PTBP3: variants seen among roughly 807,000 people sequenced by gnomAD.
The protein encoded by PTBP3 is polypyrimidine tract binding protein 3.
In PTBP3, 20 loss-of-function variants were observed where a neutral mutation model predicts 58.7. The ratio of observed to expected loss-of-function variants is 0.34; its 90% CI spans 0.24 to 0.50. The LOEUF is 0.50. Ranked by LOEUF, PTBP3 falls within the 20% of genes least tolerant of loss-of-function variation. The probability of loss-of-function intolerance (pLI) is 0.98; values close to 1 mark genes in which losing one functional copy is unlikely to be tolerated. For synonymous variants in PTBP3, 185 were observed against 219.8 expected (o/e 0.84, Z 1.40); for missense variants, 509 against 637.2 (o/e 0.80, Z 2.17).
chr9:112,229,092 C>T (rs1835104032), intron 10 of PTBP3, among the ~76,000 whole-genome samples: 2 of 152,116 alleles, frequency 1.3e-5, no homozygotes, highest in Admixed American at 6.6e-5. Flanking sequence ...CTTATCTATA[C>T]TAATCTATTT....
the PTBP3 span, among the ~76,000 whole-genome samples, chr9:112,376,323 C>T: frequency 4.4e-5 from 6 of 136,864 alleles, no homozygotes; most frequent in South Asian, 2.4e-4. Context: ...GCGTGGTCTC[C>T]GCTCACTGCA....
chr9:112,315,204 A>G (rs1449744295), intron 1 of PTBP3, among the ~76,000 whole-genome samples: 1 of 152,160 alleles, frequency 6.6e-6, no homozygotes, highest in Non-Finnish European at 1.5e-5. Flanking sequence ...AACATTCATA[A>G]AGACAAACCA....
chr9:112,231,476 T>C (rs930026791), intron 9 of PTBP3, 63 bp from the exon 10 acceptor site: 10 of 1,367,398 alleles, frequency 7.3e-6, no homozygotes, highest in Admixed American at 2.0e-5. Context: ...AATAAGTTTA[T>C]TTATACTGTA....
At chr9:112,332,948 G>A (rs913542033) in intron 1 of PTBP3, 2 of 1,485,318 alleles carry the variant, frequency 1.3e-6, no homozygotes, top group African/African-American at 1.4e-5. Context: ...GACCCCGCGT[G>A]GGACCATGGC....
At chr9:112,244,057 T>A (rs888071986) in intron 7 of PTBP3, among the ~76,000 whole-genome samples, 1 of 151,496 alleles carries the variant, frequency 6.6e-6, no homozygotes, top group Non-Finnish European at 1.5e-5. Flanking sequence ...ATCCCAACAC[T>A]TTGGGAGGCC....
At chr9:112,231,962 GAGAAGAGAGA>G (rs1261070943) in intron 9 of PTBP3, 127 bp downstream of exon 9, 584 of 327,684 alleles carry the variant, frequency 1.8e-3, no homozygotes, top group Middle Eastern at 5.9e-3. Flanking sequence ...GAGAAGAGAA[GAGAAGAGAGA>G]AGAGAAGAGA....
rs138926309 is a variant in PTBP3, at chr9:112,284,674, C to G, written c.35-8661G>C. On this transcript the variant is annotated intron_variant, in intron 2 of 13. Transcript: ENST00000374257. ...TCGTGCCACTGCATTCCAGCCTGGG[C>G]AACAGAGCAAGAATCCGTCTCAAAA... Among the ~76,000 whole-genome samples, 74 of 152,166 alleles carry G rather than the reference C, an allele frequency of 4.9e-4. No individual in the cohort carries two copies. In the East Asian group the frequency reaches 0.014, roughly 29 times the overall value.
intron 1 of PTBP3, among the ~76,000 whole-genome samples, chr9:112,315,126 C>T (rs1383744999): frequency 1.3e-5 from 2 of 151,990 alleles, no homozygotes; most frequent in African/African-American, 2.4e-5. Flanking sequence ...CCACCGCCCC[C>T]GGCCCCCACT....
intron 12 of PTBP3, among the ~76,000 whole-genome samples, chr9:112,226,546 C>T (rs1205685572): frequency 6.6e-6 from 1 of 152,078 alleles, no homozygotes; most frequent in Non-Finnish European, 1.5e-5. Context: ...AGTCCATGAA[C>T]AAAACTGCCA....
chr9:112,323,265 C>A (rs946899420), intron 1 of PTBP3, among the ~76,000 whole-genome samples: 2 of 152,126 alleles, frequency 1.3e-5, no homozygotes, highest in Admixed American at 6.6e-5. Flanking sequence ...AAAACAGACA[C>A]CACATGGGAG....
intron 12 of PTBP3, among the ~76,000 whole-genome samples, chr9:112,226,761 G>A (rs139589849): frequency 1.3e-3 from 200 of 152,284 alleles, no homozygotes; most frequent in East Asian, 4.1e-3. Context: ...TATAAAAGGC[G>A]AATTTTGAAT....
chr9:112,365,041 C>A, the PTBP3 span, among the ~76,000 whole-genome samples: 1 of 152,266 alleles, frequency 6.6e-6, no homozygotes, highest in East Asian at 1.9e-4. Context: ...GAGATCATGC[C>A]TTTCTGTGGC....
the PTBP3 span, among the ~76,000 whole-genome samples, chr9:112,340,956 A>C: frequency 5.0e-4 from 76 of 152,260 alleles, no homozygotes; most frequent in South Asian, 2.3e-3. Context: ...AGGATAAAGA[A>C]GTATTTTGTC....
chr9:112,234,677 C>T (rs766996921), intron 8 of PTBP3, 143 bp downstream of exon 8: 77 of 689,864 alleles, frequency 1.1e-4, no homozygotes, highest in Non-Finnish European at 1.7e-4. Context: ...ATATATCATA[C>T]AAATCACTAC....
At chr9:112,244,234 G>A (rs992582054) in intron 7 of PTBP3, among the ~76,000 whole-genome samples, 26 of 125,174 alleles carry the variant, frequency 2.1e-4, no homozygotes, top group African/African-American at 8.1e-4. Context: ...AGGTTATAGT[G>A]AGCCGAGATC....
intron 1 of PTBP3, among the ~76,000 whole-genome samples, chr9:112,305,525 G>C (rs1373251110): frequency 1.3e-5 from 2 of 152,170 alleles, no homozygotes; most frequent in African/African-American, 4.8e-5. Context: ...GCCACACACT[G>C]ATGCTGGGGA....
chr9:112,267,554 CA>C (rs1201789926), intron 4 of PTBP3, among the ~76,000 whole-genome samples: 1 of 152,122 alleles, frequency 6.6e-6, no homozygotes, highest in East Asian at 1.9e-4. Context: ...TGGGAAGACA[CA>C]AAAGACTCAA....
At chr9:112,306,068 G>A (rs1370860230) in intron 1 of PTBP3, among the ~76,000 whole-genome samples, 1 of 152,214 alleles carries the variant, frequency 6.6e-6, no homozygotes, top group Non-Finnish European at 1.5e-5. Flanking sequence ...TCAGATGTAA[G>A]GGCAGTCTTG....
chr9:112,228,698 C>T (rs1835088216), intron 10 of PTBP3, among the ~76,000 whole-genome samples: 1 of 152,144 alleles, frequency 6.6e-6, no homozygotes, highest in Non-Finnish European at 1.5e-5. Flanking sequence ...CAAAATGATT[C>T]ATCCCCCCTT....
Sources: allele counts gnomAD v4.1 joint callset (sites outside exome capture counted in the v4.1 genomes callset), GRCh38; gene constraint gnomAD v4.1.1; transcripts MANE v1.5; gene names NCBI Gene and HGNC (gene_info 2026-07-23, HGNC 2026-07-21).